Variants in PLCB3 observed in about 807,000 individuals in gnomAD.
The protein encoded by PLCB3 is 1-phosphatidylinositol 4,5-bisphosphate phosphodiesterase beta-3.
In PLCB3, 54 loss-of-function variants were observed where a neutral mutation model predicts 152.1. That is an observed-to-expected ratio of 0.36 (90% CI 0.29 to 0.45). The LOEUF is 0.45. Ranked by LOEUF, PLCB3 falls within the 20% of genes least tolerant of loss-of-function variation. The probability of loss-of-function intolerance (pLI) is 1.00; values close to 1 mark genes in which losing one functional copy is unlikely to be tolerated. For missense variants in PLCB3, 1,248 were observed against 1,687.5 expected (o/e 0.74, Z 4.56); for synonymous variants, 717 against 698.7 (o/e 1.03, Z -0.41).
Position 64,267,440 on chromosome 11 carries a change from G to T in PLCB3, c.3589G>T (p.Glu1197Ter), listed in dbSNP as rs968847885. The stretch of plus-strand genomic sequence containing the variant: ...CCGGAGCCTGCTGGGCGAGATGCCG[G>T]AGGGGCTGGGGGACGGGCCTCTGGT... ...IRRSLLGEMP[E>*]GLGDGPLVAC... The change falls in exon 31 of 31, where the codon GAG (glutamate) becomes TAG (stop). Residue 1197 changes from glutamate to a stop codon, truncating the protein, a stop_gained. Transcript: ENST00000279230. LOFTEE classifies it high-confidence loss of function. The surrounding 1 kb of genome is among the most constrained non-coding windows in gnomAD (Gnocchi z 5.2). 1.3e-6 allele frequency: 2 copies of T among 1,550,672 alleles called. No homozygotes were observed. Among genetic ancestry groups the T allele is most frequent in the Non-Finnish European group, 1.7e-6 (2 of 1,149,868 alleles).
chr11:64,260,343 G>A (rs968671296), intron 14 of PLCB3, 109 bp downstream of exon 14: 3 of 751,352 alleles, frequency 4.0e-6, no homozygotes, highest in Non-Finnish European at 6.7e-6. Context: ...CTGGGGCTCA[G>A]TGTGGGTGTG....
At chr11:64,261,930 G>A in intron 16 of PLCB3, 22 bp from the exon 17 acceptor site, 1 of 1,613,788 alleles carries the variant, frequency 6.2e-7, no homozygotes. Flanking sequence ...GCACCTGTGT[G>A]GCCCCTGACC....
In PLCB3 at chr11:64,254,986, C is replaced by G; in HGVS notation, c.335C>G (p.Pro112Arg). 6.3e-7 allele frequency: 1 copy of G among 1,586,458 alleles called. No individual in the cohort carries two copies. The highest frequency in any genetic ancestry group is 8.6e-7 in the Non-Finnish European group (1 of 1,164,800). ...KLMTVVSGPDPVNTVFLNFMA... is the reference protein window; with the variant it reads ...KLMTVVSGPDRVNTVFLNFMA... Reference sequence around the variant, plus strand: ...ATGACGGTGGTGTCTGGGCCAGACCCAGTGAACACAGTGTTCTTGAACTTC... The same window carrying G: ...ATGACGGTGGTGTCTGGGCCAGACCGAGTGAACACAGTGTTCTTGAACTTC... Residue 112 changes from proline (P) to arginine (R), a missense_variant, in exon 4 of 31, where the codon CCA (proline) becomes CGA (arginine). Physicochemically the swap from Pro to Arg is moderately radical, Grantham distance 103. This residue lies in a region of PLCB3 where 299 missense variants were observed against 434.7 expected (regional missense o/e 0.69). Coordinates refer to ENST00000279230, the MANE Select transcript of PLCB3 (RefSeq NM_000932.5).
At chr11:64,264,211 A>C in intron 22 of PLCB3, 99 bp downstream of exon 22, 1 of 754,500 alleles carries the variant, frequency 1.3e-6, no homozygotes, top group Non-Finnish European at 2.1e-6. Flanking sequence ...TGGTCTCTCT[A>C]GCGCAGTAGG....
chr11:64,265,289 C>T, intron 24 of PLCB3, 21 bp from the exon 25 acceptor site: 2 of 1,519,570 alleles, frequency 1.3e-6, no homozygotes, highest in East Asian at 2.3e-5. Flanking sequence ...CCCCCGCCCA[C>T]CTTTGCTCTG....
In PLCB3 at chr11:64,264,966, G is replaced by C. The variant is rs751688786; in HGVS notation, c.2668G>C (p.Glu890Gln). ...IGESEAQAGQ[E>Q]TCQDTQSQQL... ...CTCCCTATAGGCTCAGGCTGGCCAA[G>C]AGACGTGCCAGGACACCCAGTCTCA... The change falls in exon 23 of 31, where the codon GAG becomes CAG. Residue 890 changes from glutamate to glutamine, a missense_variant. By Grantham distance (29) the Glu-to-Gln change is conservative (BLOSUM62 2). Coordinates refer to ENST00000279230, the MANE Select transcript of PLCB3 (RefSeq NM_000932.5). 1 of 1,613,140 alleles carries C rather than the reference G, an allele frequency of 6.2e-7. No homozygotes were observed. Among genetic ancestry groups the C allele is most frequent in the South Asian group, 1.1e-5 (1 of 91,070 alleles).
At position 64,258,871 on chromosome 11, in the gene PLCB3, C is replaced by T; in HGVS notation, c.1254-14C>T. 1 of 1,613,892 alleles carries T rather than the reference C, an allele frequency of 6.2e-7. No homozygotes were observed. ...TGGGGGAGGGATCTCTGACCTCTGA[C>T]CTCGGTTCCGCAGGGCAAAGCAACA... On this transcript the variant is annotated splice_polypyrimidine_tract_variant and intron_variant, in intron 11 of 30. Transcript: ENST00000279230. The surrounding 1 kb of genome is among the most constrained non-coding windows in gnomAD (Gnocchi z 7.2).
rs763285468 is a variant in PLCB3 at position 64,265,304 on chromosome 11, T to A, written c.2843-6T>A. On this transcript the variant is annotated splice_polypyrimidine_tract_variant and splice_region_variant and intron_variant, in intron 24 of 30. Coordinates refer to ENST00000279230, the MANE Select transcript of PLCB3 (RefSeq NM_000932.5). The stretch of plus-strand genomic sequence containing the variant: ...CCCCCGCCCACCTTTGCTCTGCCGC[T>A]CCCAGAGGTGGCCCCCACCCCGCTG... The A allele has an allele frequency of 2.1e-6, 2 of 943,588 alleles. No homozygotes were observed. Among genetic ancestry groups the A allele is most frequent in the East Asian group, 1.0e-4 (2 of 19,646 alleles). The allele number at this position is 943,588 out of a possible 1,614,324, so 58.5% of individuals were successfully genotyped here.
At position 64,255,808 on chromosome 11, in the gene PLCB3, A is replaced by G; in HGVS notation, c.685A>G (p.Ile229Val). Residue 229 changes from isoleucine to valine, a missense_variant, in exon 8 of 31, where the codon ATC (isoleucine) becomes GTC (valine). Ile to Val is a conservative substitution (Grantham distance 29). This residue lies in a region of PLCB3 where 299 missense variants were observed against 434.7 expected (regional missense o/e 0.69). Transcript: ENST00000279230. This position sits in a 1 kb window ranked among gnomAD's most constrained non-coding sequence, Gnocchi z 6.8. ...KLCLRPDIDK[I>V]LLEIGAKGKP... The stretch of plus-strand genomic sequence containing the variant: ...GTGTCTGCGGCCGGACATTGACAAG[A>G]TCCTGCTGGAGATGTGAGTGGGCCC... 1 of 1,612,978 alleles carries G rather than the reference A, an allele frequency of 6.2e-7. No individual in the cohort carries two copies. The highest frequency in any genetic ancestry group is 8.5e-7 in the Non-Finnish European group (1 of 1,179,040).
In PLCB3 at chr11:64,266,107, C is replaced by T. The variant is rs1162173258; in HGVS notation, c.3190-19C>T. On this transcript the variant is annotated intron_variant, in intron 26 of 30. Transcript: ENST00000279230. The surrounding 1 kb of genome is among the most constrained non-coding windows in gnomAD (Gnocchi z 4.9). ...CCGTCGTCAGCCCGGCATCACCTGT[C>T]AGCTCCCTGTGTCCACAGGCTCTGC... is the stretch of plus-strand genomic sequence containing the variant. 6.2e-7 allele frequency: 1 copy of T among 1,613,868 alleles called. No individual in the cohort carries two copies. The highest frequency in any genetic ancestry group is 8.5e-7 in the Non-Finnish European group (1 of 1,179,958).
At chr11:64,254,636 C>T in intron 2 of PLCB3, 112 bp from the exon 3 acceptor site, 2 of 1,386,070 alleles carry the variant, frequency 1.4e-6, no homozygotes, top group Admixed American at 1.7e-5. Flanking sequence ...GGAGCTGAGG[C>T]TGGGGCTATA....
Position 64,259,040 on chromosome 11 carries a change from TC to T in PLCB3, c.1339-17del. 6.2e-7 allele frequency: 1 copy of T among 1,611,888 alleles called. No individual in the cohort carries two copies. Among genetic ancestry groups the T allele is most frequent in the African/African-American group, 1.3e-5 (1 of 74,972 alleles). ...TGCGGACCCGGTCCAGGGCCCTGAC[TC>T]GTCCATGCCTGCCCAGCTGGCCCCA... On this transcript the variant is annotated splice_polypyrimidine_tract_variant and intron_variant, in intron 12 of 30. Transcript: ENST00000279230.
In PLCB3 at chr11:64,259,205, G is replaced by A. The variant is rs559883981; in HGVS notation, c.1486G>A (p.Glu496Lys). 84 of 1,578,596 alleles carry A rather than the reference G, an allele frequency of 5.3e-5. No individual in the cohort carries two copies. In the African/African-American group the frequency reaches 7.7e-4, roughly 14 times the overall value. The change falls in exon 13 of 31, where the codon GAG (glutamate) becomes AAG (lysine). Residue 496 changes from glutamate (E) to lysine (K), a missense_variant. Around this residue, in one of 6 missense-constraint regions of PLCB3, gnomAD observed 105 missense variants for 100.9 expected, o/e 1.04. Transcript: ENST00000279230. ...PLEQSNSALSESSAATEPSSP... is the reference protein window; with the variant it reads ...PLEQSNSALSKSSAATEPSSP... ...GGAGCAGAGCAATTCTGCCCTGAGCGAGAGCTCCGCGGCCACCGAGCCCTC... is the reference window on the plus strand; with the variant it reads ...GGAGCAGAGCAATTCTGCCCTGAGCAAGAGCTCCGCGGCCACCGAGCCCTC...
In PLCB3 at chr11:64,255,935, AG is replaced by A; in HGVS notation, c.698+119del. The stretch of plus-strand genomic sequence containing the variant: ...CTGGTGGGCCGGGTCCTGGAGCGCC[AG>A]GGGGCGGAGGGGTGCCCAGGGAGAA... On this transcript the variant is annotated intron_variant, in intron 8 of 30. Coordinates refer to ENST00000279230, the MANE Select transcript of PLCB3 (RefSeq NM_000932.5). This position sits in a 1 kb window ranked among gnomAD's most constrained non-coding sequence, Gnocchi z 6.8. The A allele has an allele frequency of 1.3e-6, 1 of 775,946 alleles. No individual in the cohort carries two copies. The highest frequency in any genetic ancestry group is 2.5e-5 in the East Asian group (1 of 39,808). The allele number at this position is 775,946 out of a possible 1,614,324, so 48.1% of individuals were successfully genotyped here.
chr11:64,265,865 C>T, intron 25 of PLCB3, 21 bp from the exon 26 acceptor site: 1 of 1,610,274 alleles, frequency 6.2e-7, no homozygotes, highest in Non-Finnish European at 8.5e-7. Context: ...CAGGCATCAC[C>T]CAGAGGGGTT....
chr11:64,267,866 A>AT lies in PLCB3; in HGVS notation c.*317dup, dbSNP rs1180949542. ...TGGAGCTCCGGGAAGTAGGAGTCAC[A>AT]TTTTTTTCTCTATTCTTTGGGGATT... On this transcript the variant is annotated 3_prime_UTR_variant, in exon 31 of 31. Coordinates refer to ENST00000279230, the MANE Select transcript of PLCB3 (RefSeq NM_000932.5). The surrounding 1 kb of genome is among the most constrained non-coding windows in gnomAD (Gnocchi z 5.2). 7 of 372,948 alleles carry AT rather than the reference A, an allele frequency of 1.9e-5. No individual in the cohort carries two copies. The highest frequency in any genetic ancestry group is 9.0e-5 in the East Asian group (2 of 22,250). The allele number at this position is 372,948 out of a possible 1,614,324, so 23.1% of individuals were successfully genotyped here.
intron 25 of PLCB3, 54 bp downstream of exon 25, chr11:64,265,556 A>G (rs1047368869): frequency 3.7e-5 from 57 of 1,533,078 alleles, no homozygotes; most frequent in Non-Finnish European, 5.0e-5. Context: ...TGATGTGAAC[A>G]TGGGGGTCGG....
chr11:64,264,874 C>T, intron 22 of PLCB3, 77 bp from the exon 23 acceptor site: 1 of 1,449,366 alleles, frequency 6.9e-7, no homozygotes, highest in Non-Finnish European at 9.7e-7. Flanking sequence ...TGCTAGGGGA[C>T]CCAGGAGGTG....
In PLCB3 at chr11:64,258,151, C is replaced by A. The variant is rs1445573354; in HGVS notation, c.1013-322C>A. Among the ~76,000 whole-genome samples, 3 of 139,528 alleles carry A rather than the reference C, an allele frequency of 2.2e-5. No individual in the cohort carries two copies. The highest frequency in any genetic ancestry group is 3.1e-5 in the Non-Finnish European group (2 of 63,518). 91.5% of individuals were successfully genotyped at this position (139,528 alleles called of 152,430 possible). A position where few individuals can be genotyped will look rare whatever the true frequency, so the allele number is the denominator to read the frequency against. ...CCTGGGTGACAGAGCGAGGTTCCGT[C>A]TCAAAAAAAAAAAAAAAAGAGATTG... On this transcript the variant is annotated intron_variant, in intron 10 of 30. Transcript: ENST00000279230. This position sits in a 1 kb window ranked among gnomAD's most constrained non-coding sequence, Gnocchi z 7.2.
Sources: allele counts gnomAD v4.1 joint callset (sites outside exome capture counted in the v4.1 genomes callset), GRCh38; gene constraint gnomAD v4.1.1; regional missense constraint gnomAD v4.1.1; non-coding constraint Gnocchi (gnomAD v3.1); transcripts MANE v1.5; gene names NCBI Gene and HGNC (gene_info 2026-07-23, HGNC 2026-07-21).